Variants in PRKN observed in about 807,000 individuals in gnomAD.
PRKN encodes E3 ubiquitin-protein ligase parkin.
A neutral mutation model predicts 59.5 loss-of-function variants in PRKN; 56 were observed. The ratio of observed to expected loss-of-function variants is 0.94; its 90% CI spans 0.76 to 1.18. The LOEUF (loss-of-function observed/expected upper bound fraction) is 1.18, where lower values mean the gene tolerates loss of function less well. Ranked by LOEUF, PRKN falls within the 50% of genes most tolerant of loss-of-function variation. The pLI, the probability that PRKN is intolerant of heterozygous loss-of-function variation, is 0.00. For missense variants in PRKN, 657 were observed against 596.4 expected (o/e 1.10, Z -1.06); for synonymous variants, 250 against 222.1 (o/e 1.13, Z -1.12).
chr6:162,384,477 C>T (rs1786673961), intron 2 of PRKN, among the ~76,000 whole-genome samples: 1 of 151,872 alleles, frequency 6.6e-6, no homozygotes, highest in Non-Finnish European at 1.5e-5. Flanking sequence ...CACTCCAAAA[C>T]AATAAGATCA....
chr6:161,993,885 C>T (rs549203938), intron 5 of PRKN, among the ~76,000 whole-genome samples: 1 of 152,134 alleles, frequency 6.6e-6, no homozygotes, highest in Non-Finnish European at 1.5e-5. Context: ...GGCAAGAGAG[C>T]AGGTGAAGGT....
intron 9 of PRKN, among the ~76,000 whole-genome samples, chr6:161,406,658 A>T (rs896398683): frequency 2.6e-5 from 4 of 151,786 alleles, no homozygotes; most frequent in African/African-American, 9.7e-5. Context: ...TTCAACAAAA[A>T]CTCCTTTGGC....
chr6:162,086,090 T>G (rs1045486734), intron 4 of PRKN, among the ~76,000 whole-genome samples: 7 of 152,308 alleles, frequency 4.6e-5, no homozygotes, highest in Non-Finnish European at 1.0e-4. Flanking sequence ...AGAGAGCAGC[T>G]CACAATTAAT....
chr6:161,436,461 G>C (rs77679284), intron 9 of PRKN, among the ~76,000 whole-genome samples: 1 of 39,392 alleles, frequency 2.5e-5, no homozygotes. Context: ...AGACTTTTTT[G>C]GGGGGGGGTG....
intron 7 of PRKN, among the ~76,000 whole-genome samples, chr6:161,722,826 T>C (rs1787281349): frequency 1.3e-5 from 2 of 152,362 alleles, no homozygotes; most frequent in Admixed American, 6.5e-5. Context: ...TTAAAAATTC[T>C]CTAAGAAGTT....
At chr6:161,920,126 A>G (rs6920479) in intron 6 of PRKN, among the ~76,000 whole-genome samples, 84,224 of 152,072 alleles carry the variant, frequency 0.55, 23,403 homozygotes, top group Middle Eastern at 0.67. Context: ...GTTCACGCCT[A>G]TAATCCCAGC....
intron 7 of PRKN, among the ~76,000 whole-genome samples, chr6:161,777,941 T>G (rs926605183): frequency 1.3e-5 from 2 of 149,074 alleles, no homozygotes; most frequent in Non-Finnish European, 1.5e-5. Context: ...TAGTTAACAG[T>G]CCCAGGGGTT....
intron 1 of PRKN, among the ~76,000 whole-genome samples, chr6:162,522,992 C>T (rs1778135850): frequency 6.6e-6 from 1 of 152,294 alleles, no homozygotes; most frequent in East Asian, 1.9e-4. Flanking sequence ...TCTGTTGATT[C>T]TATTACCAGC....
intron 6 of PRKN, among the ~76,000 whole-genome samples, chr6:161,915,857 A>T (rs1213899383): frequency 6.6e-6 from 1 of 152,252 alleles, no homozygotes; most frequent in Admixed American, 6.5e-5. Context: ...AGCAAGAGAG[A>T]AAGCATGCAC....
At chr6:162,260,271 G>C (rs1263629822) in intron 3 of PRKN, among the ~76,000 whole-genome samples, 1 of 152,120 alleles carries the variant, frequency 6.6e-6, no homozygotes, top group African/African-American at 2.4e-5. Context: ...GAGGTTAGAT[G>C]TGACTCAGAC....
At chr6:161,900,838 T>TTA (rs1777884014) in intron 6 of PRKN, among the ~76,000 whole-genome samples, 1 of 142,040 alleles carries the variant, frequency 7.0e-6, no homozygotes. Flanking sequence ...GTATTGTATA[T>TTA]TATATATAAT....
chr6:161,894,664 T>C (rs570115454), intron 6 of PRKN, among the ~76,000 whole-genome samples: 46 of 152,338 alleles, frequency 3.0e-4, no homozygotes, highest in African/African-American at 1.0e-3. Flanking sequence ...GTTTGTGTCC[T>C]AAGTGAAATT....
chr6:161,791,621 T>C (rs1790642405), intron 6 of PRKN, among the ~76,000 whole-genome samples: 1 of 152,152 alleles, frequency 6.6e-6, no homozygotes, highest in Non-Finnish European at 1.5e-5. Flanking sequence ...TCGAAAGCAA[T>C]GTGCCAGATA....
At chr6:161,897,154 T>A (rs1777659511) in intron 6 of PRKN, among the ~76,000 whole-genome samples, 3 of 152,370 alleles carry the variant, frequency 2.0e-5, no homozygotes, top group Middle Eastern at 3.4e-3. Flanking sequence ...CAGTGTTCAA[T>A]ACTCATATCC....
chr6:162,444,968 C>G (rs931073763), intron 1 of PRKN, among the ~76,000 whole-genome samples: 3 of 152,082 alleles, frequency 2.0e-5, no homozygotes, highest in African/African-American at 7.2e-5. Flanking sequence ...GGACATTTAG[C>G]TGTTTTTGAT....
chr6:161,855,417 G>A (rs939289307), intron 6 of PRKN, among the ~76,000 whole-genome samples: 6 of 152,054 alleles, frequency 3.9e-5, no homozygotes, highest in East Asian at 1.9e-4. Flanking sequence ...GATATAAACC[G>A]TAACTATTAA....
At chr6:161,707,001 T>G (rs988115015) in intron 7 of PRKN, among the ~76,000 whole-genome samples, 14 of 152,222 alleles carry the variant, frequency 9.2e-5, no homozygotes, top group Admixed American at 9.2e-4. Context: ...TATAGAATTT[T>G]TCATGGTCCA....
rs1029578581 is a variant in PRKN at position 162,095,767 on chromosome 6, G to T, written c.535-41593C>A. ...TGGTATCAAGAACGTGGGCTCCAGA[G>T]GTGGACAGGTGTGTGTCTCCAGGCT... On this transcript the variant is annotated intron_variant, in intron 4 of 11. Transcript: ENST00000366898. 1.6e-4 allele frequency among the ~76,000 whole-genome samples: 25 copies of T among 152,172 alleles called. 1 individual carries two copies. Among genetic ancestry groups the T allele is most frequent in the African/African-American group, 5.8e-4 (24 of 41,442 alleles).
At position 161,498,956 on chromosome 6, in the gene PRKN, T is replaced by G. The variant is rs1163730801; in HGVS notation, c.1083+49898A>C. Among the ~76,000 whole-genome samples the G allele has an allele frequency of 6.6e-6, 1 of 152,052 alleles. No homozygotes were observed. Among genetic ancestry groups the G allele is most frequent in the African/African-American group, 2.4e-5 (1 of 41,414 alleles). On this transcript the variant is annotated intron_variant, in intron 9 of 11. Transcript: ENST00000366898. This position sits in a 1 kb window ranked among gnomAD's most constrained non-coding sequence, Gnocchi z 4.2. ...GTGTGTGTATGGGGATGGGGGAGGA[T>G]TGAGATTCTTCTTTATCTTCTACTG... is the stretch of plus-strand genomic sequence containing the variant.
Sources: gnomAD v4.1 joint callset for allele counts (sites outside exome capture counted in the v4.1 genomes callset) on GRCh38, gnomAD v4.1.1 for gene constraint, Gnocchi (gnomAD v3.1) non-coding constraint, MANE v1.5 for transcripts, NCBI Gene and HGNC (gene_info 2026-07-23, HGNC 2026-07-21) for gene names.